PSD3: variants seen among roughly 807,000 people sequenced by gnomAD.
PSD3 encodes the protein pleckstrin and Sec7 domain containing 3.
In PSD3, 49 loss-of-function variants were observed where a neutral mutation model predicts 105.5. That is an observed-to-expected ratio of 0.46 (90% confidence interval 0.37 to 0.59). The LOEUF (loss-of-function observed/expected upper bound fraction) is 0.59. Among genes scored for constraint, PSD3 ranks in the 20% least tolerant of loss-of-function variants. The pLI is 0.00. For missense variants in PSD3, 1,561 were observed against 1,263.8 expected (o/e 1.24, Z -3.57); for synonymous variants, 557 against 457.8 (o/e 1.22, Z -2.77).
chr8:19,073,654 G>A (rs1332017903), intron 1 of PSD3, among the ~76,000 whole-genome samples: 1 of 151,180 alleles, frequency 6.6e-6, no homozygotes, highest in East Asian at 1.9e-4. Context: ...ATCTGTACAG[G>A]ACTGTTGTGA....
intron 2 of PSD3, among the ~76,000 whole-genome samples, chr8:18,901,649 A>T (rs998299568): frequency 6.6e-6 from 1 of 152,018 alleles, no homozygotes; most frequent in African/African-American, 2.4e-5. Flanking sequence ...TGTTTTCATG[A>T]TAGTGATTTT....
chr8:18,613,587 T>C (rs1012344127), intron 11 of PSD3, among the ~76,000 whole-genome samples: 1 of 152,182 alleles, frequency 6.6e-6, no homozygotes, highest in Non-Finnish European at 1.5e-5. Flanking sequence ...TTTTTGAATC[T>C]TAATGAATGA....
At chr8:18,770,546 T>C (rs1185001180) in intron 8 of PSD3, among the ~76,000 whole-genome samples, 4 of 152,134 alleles carry the variant, frequency 2.6e-5, no homozygotes, top group Non-Finnish European at 5.9e-5. Context: ...CTCACTCAAA[T>C]CTGCTGTGTT....
At chr8:18,903,068 G>C (rs572179421) in intron 2 of PSD3, among the ~76,000 whole-genome samples, 1 of 152,236 alleles carries the variant, frequency 6.6e-6, no homozygotes, top group Non-Finnish European at 1.5e-5. Context: ...GTCTGTGAAA[G>C]GATTGGATGT....
intron 1 of PSD3, among the ~76,000 whole-genome samples, chr8:19,061,803 TAAAAA>T (rs397893093): frequency 7.0e-6 from 1 of 142,100 alleles, no homozygotes; most frequent in African/African-American, 2.5e-5. Context: ...AGACTCCGTC[TAAAAA>T]AAAAAAAAAA....
intron 14 of PSD3, among the ~76,000 whole-genome samples, chr8:18,563,858 G>A (rs1220588643): frequency 6.6e-6 from 1 of 152,166 alleles, no homozygotes; most frequent in East Asian, 1.9e-4. Context: ...GGGTGGATCA[G>A]AAGGACATAA....
chr8:18,900,454 T>C (rs1213474853), intron 2 of PSD3, among the ~76,000 whole-genome samples: 1 of 152,156 alleles, frequency 6.6e-6, no homozygotes, highest in Non-Finnish European at 1.5e-5. Flanking sequence ...TGACCACAGC[T>C]GCAGACCTCA....
At chr8:18,808,977 G>A in intron 4 of PSD3, 1 of 1,377,594 alleles carries the variant, frequency 7.3e-7, no homozygotes, top group Non-Finnish European at 9.5e-7. Context: ...TGTTTCTGCA[G>A]TTCTAATAAA....
At chr8:18,704,057 C>G (rs1459018780) in intron 9 of PSD3, among the ~76,000 whole-genome samples, 1 of 152,096 alleles carries the variant, frequency 6.6e-6, no homozygotes, top group African/African-American at 2.4e-5. Flanking sequence ...AAGCAAGAAA[C>G]AAAGCAAAGC....
chr8:18,957,281 G>C (rs931828977), intron 1 of PSD3, among the ~76,000 whole-genome samples: 2 of 151,442 alleles, frequency 1.3e-5, no homozygotes, highest in African/African-American at 4.9e-5. Context: ...TGAGGCAGGA[G>C]AATCACTTGA....
intron 2 of PSD3, among the ~76,000 whole-genome samples, chr8:18,917,367 C>T (rs902296237): frequency 1.3e-5 from 2 of 152,120 alleles, no homozygotes. Flanking sequence ...TATTTTCAGC[C>T]TTTCTCTTAC....
intron 2 of PSD3, among the ~76,000 whole-genome samples, chr8:18,904,985 C>T (rs903075485): frequency 6.6e-6 from 1 of 152,192 alleles, no homozygotes; most frequent in African/African-American, 2.4e-5. Flanking sequence ...ATCTTGCTGG[C>T]ACTGTGTATT....
intron 2 of PSD3, among the ~76,000 whole-genome samples, chr8:18,901,712 G>A (rs1464018905): frequency 6.6e-6 from 1 of 152,082 alleles, no homozygotes; most frequent in African/African-American, 2.4e-5. Context: ...TGTAAGGTTG[G>A]CCTAGTGGTA....
chr8:18,999,500 C>A (rs1344615194), intron 1 of PSD3, among the ~76,000 whole-genome samples: 2 of 151,664 alleles, frequency 1.3e-5, no homozygotes, highest in African/African-American at 2.4e-5. Context: ...CCTGGTTGTA[C>A]TTGCTACCAA....
chr8:18,720,699 C>T (rs970857353), intron 9 of PSD3, among the ~76,000 whole-genome samples: 6 of 152,246 alleles, frequency 3.9e-5, no homozygotes, highest in South Asian at 2.1e-4. Context: ...CTGGCCACCC[C>T]CACAGTGCTC....
At chr8:19,051,779 C>T (rs753615089) in intron 1 of PSD3, among the ~76,000 whole-genome samples, 8 of 152,132 alleles carry the variant, frequency 5.3e-5, no homozygotes, top group Non-Finnish European at 1.0e-4. Flanking sequence ...ATCCACCGTA[C>T]CTAGCATAGT....
At chr8:18,841,941 C>T (rs1316870400) in intron 4 of PSD3, among the ~76,000 whole-genome samples, 1 of 152,146 alleles carries the variant, frequency 6.6e-6, no homozygotes, top group African/African-American at 2.4e-5. Context: ...ATACTTCAGA[C>T]CAGTGGAGAG....
chr8:18,879,327 G>A (rs1051255255), intron 2 of PSD3, among the ~76,000 whole-genome samples: 74 of 152,164 alleles, frequency 4.9e-4, no homozygotes, highest in Admixed American at 1.4e-3. Context: ...AAAGCCCTGC[G>A]TGACAGATTG....
chr8:18,895,766 T>C (rs1458513452), intron 2 of PSD3, among the ~76,000 whole-genome samples: 1 of 152,206 alleles, frequency 6.6e-6, no homozygotes, highest in Non-Finnish European at 1.5e-5. Flanking sequence ...AATTAGCATA[T>C]CTAACACCTT....
Sources: allele counts gnomAD v4.1 joint callset (sites outside exome capture counted in the v4.1 genomes callset), GRCh38; gene constraint gnomAD v4.1.1; transcripts MANE v1.5; gene names NCBI Gene and HGNC (gene_info 2026-07-23, HGNC 2026-07-21).